The following EXOC4 variants were observed in gnomAD, a reference collection of about 807,000 sequenced individuals.
The protein encoded by EXOC4 is SEC8-like 1.
In EXOC4, 71 loss-of-function variants were observed where a neutral mutation model predicts 107.2. The observed-to-expected ratio is 0.66, with a 90% CI of 0.55 to 0.81. The LOEUF (loss-of-function observed/expected upper bound fraction) is 0.81, where lower values mean the gene tolerates loss of function less well. Among genes scored for constraint, EXOC4 ranks in the 30% least tolerant of loss-of-function variants. The pLI, the probability that EXOC4 is intolerant of heterozygous loss-of-function variation, is 0.00. For synonymous variants in EXOC4, 456 were observed against 441.2 expected, an observed-to-expected ratio of 1.03 and a Z score of -0.42; for missense variants, 1,108 against 1,189.6, an observed-to-expected ratio of 0.93 and a Z score of 1.01.
At chr7:133,544,116 T>G (rs1035505991) in intron 9 of EXOC4, among the ~76,000 whole-genome samples, 1 of 152,116 alleles carries the variant, frequency 6.6e-6, no homozygotes, top group African/African-American at 2.4e-5. Flanking sequence ...AATTCAAGTA[T>G]TAAGAAATCA....
At chr7:134,099,428 C>A in the EXOC4 span, among the ~76,000 whole-genome samples, 1 of 151,730 alleles carries the variant, frequency 6.6e-6, no homozygotes, top group South Asian at 2.1e-4. Flanking sequence ...GAAAGTCACA[C>A]AGGGACACCA....
intron 9 of EXOC4, among the ~76,000 whole-genome samples, chr7:133,498,223 A>G (rs980524317): frequency 5.9e-5 from 9 of 152,280 alleles, no homozygotes; most frequent in African/African-American, 1.4e-4. Context: ...GCCATAGACA[A>G]TCTGTCACCA....
rs1801164822 is a variant in EXOC4 at position 133,577,801 on chromosome 7, G to T, written c.1418-52244G>T. On this transcript the variant is annotated intron_variant, in intron 9 of 17. Transcript: ENST00000253861. ...AATGCTCAATACATATTTATTAACT[G>T]AGTGAATGAAGCTGGTAGTTTTGTT... is the stretch of plus-strand genomic sequence containing the variant. 1.3e-5 allele frequency among the ~76,000 whole-genome samples: 2 copies of T among 152,136 alleles called. 1 individual carries two copies. The highest frequency in any genetic ancestry group is 4.1e-4 in the South Asian group (2 of 4,824).
chr7:133,460,472 A>G (rs1472137582), intron 7 of EXOC4, among the ~76,000 whole-genome samples: 2 of 152,206 alleles, frequency 1.3e-5, no homozygotes, highest in African/African-American at 2.4e-5. Context: ...ATTTTAGGCT[A>G]TCCTCAAGTG....
intron 9 of EXOC4, among the ~76,000 whole-genome samples, chr7:133,607,782 G>T (rs1322837898): frequency 3.3e-5 from 5 of 152,306 alleles, no homozygotes; most frequent in African/African-American, 1.2e-4. Context: ...GGAGAAATTT[G>T]CATTAGTGCC....
At chr7:133,499,009 T>G (rs1366614130) in intron 9 of EXOC4, among the ~76,000 whole-genome samples, 1 of 152,106 alleles carries the variant, frequency 6.6e-6, no homozygotes. Flanking sequence ...ATCGTGCTTA[T>G]TAAGTACTTA....
At chr7:133,340,582 A>G (rs1186129319) in intron 5 of EXOC4, among the ~76,000 whole-genome samples, 1 of 151,742 alleles carries the variant, frequency 6.6e-6, no homozygotes, top group Admixed American at 6.6e-5. Context: ...TATCTTGTGG[A>G]TTAGTGTCAA....
intron 5 of EXOC4, among the ~76,000 whole-genome samples, chr7:133,332,648 G>T (rs1317466346): frequency 6.6e-6 from 1 of 152,146 alleles, no homozygotes; most frequent in African/African-American, 2.4e-5. Flanking sequence ...TATTTTCCTG[G>T]ATTTTGTATG....
intron 14 of EXOC4, among the ~76,000 whole-genome samples, chr7:133,971,945 AAAT>A (rs1168715559): frequency 6.6e-6 from 1 of 152,200 alleles, no homozygotes; most frequent in Non-Finnish European, 1.5e-5. Flanking sequence ...CACTTCTTTG[AAAT>A]GAGGAATCCA....
intron 11 of EXOC4, among the ~76,000 whole-genome samples, chr7:133,848,155 G>A (rs1444689027): frequency 4.6e-5 from 7 of 152,080 alleles, no homozygotes; most frequent in Non-Finnish European, 7.4e-5. Context: ...GGAAATGTGC[G>A]TGTGAATGTG....
At chr7:133,710,991 A>G (rs1444136323) in intron 10 of EXOC4, among the ~76,000 whole-genome samples, 1 of 152,218 alleles carries the variant, frequency 6.6e-6, no homozygotes, top group East Asian at 1.9e-4. Context: ...AGTATTGGTA[A>G]AGTAGAGTTC....
At chr7:133,646,801 G>A (rs926595315) in intron 10 of EXOC4, among the ~76,000 whole-genome samples, 16 of 152,252 alleles carry the variant, frequency 1.1e-4, no homozygotes, top group African/African-American at 3.9e-4. Context: ...GAAGATGGAT[G>A]CATTTCTAAT....
intron 7 of EXOC4, among the ~76,000 whole-genome samples, chr7:133,418,127 C>T (rs750444311): frequency 6.6e-6 from 1 of 152,132 alleles, no homozygotes; most frequent in Non-Finnish European, 1.5e-5. Flanking sequence ...TAGTTCAGGA[C>T]AAGAGACAAC....
At chr7:134,087,120 C>G in the EXOC4 span, among the ~76,000 whole-genome samples, 8 of 152,156 alleles carry the variant, frequency 5.3e-5, no homozygotes, top group Non-Finnish European at 1.0e-4. Context: ...GGAAATGCAG[C>G]CCAGTAGGTC....
chr7:133,322,246 GGCTTTTGTTGCCATT>G (rs1166935391), intron 5 of EXOC4, among the ~76,000 whole-genome samples: 35 of 152,120 alleles, frequency 2.3e-4, no homozygotes, highest in Admixed American at 8.5e-4. Flanking sequence ...TGTCAATTTT[GGCTTTTGTTGCCATT>G]GCTTTTGGTG....
At chr7:133,691,561 G>A (rs1050042117) in intron 10 of EXOC4, among the ~76,000 whole-genome samples, 1 of 152,166 alleles carries the variant, frequency 6.6e-6, no homozygotes, top group East Asian at 1.9e-4. Context: ...TGCTGGATAT[G>A]TAATAGTGAA....
intron 9 of EXOC4, among the ~76,000 whole-genome samples, chr7:133,598,996 T>A (rs1801746533): frequency 1.3e-5 from 2 of 151,738 alleles, no homozygotes; most frequent in Non-Finnish European, 2.9e-5. Flanking sequence ...ATAACTAAAT[T>A]AATTAATTAA....
At chr7:133,387,869 A>C (rs973910551) in intron 7 of EXOC4, among the ~76,000 whole-genome samples, 2 of 152,262 alleles carry the variant, frequency 1.3e-5, no homozygotes, top group African/African-American at 4.8e-5. Flanking sequence ...GGGTTAAAGT[A>C]GTTGAGTTCA....
chr7:133,584,320 T>G (rs1801345817), intron 9 of EXOC4, among the ~76,000 whole-genome samples: 1 of 152,130 alleles, frequency 6.6e-6, no homozygotes, highest in Admixed American at 6.5e-5. Context: ...TGAGGGATTT[T>G]GAAGGTGGAG....
Sources: gnomAD v4.1 joint callset for allele counts (sites outside exome capture counted in the v4.1 genomes callset) on GRCh38, gnomAD v4.1.1 for gene constraint, MANE v1.5 for transcripts, NCBI Gene and HGNC (gene_info 2026-07-23, HGNC 2026-07-21) for gene names.